The following OSBPL6 variants were observed in gnomAD, a reference collection of about 807,000 sequenced individuals.
OSBPL6 encodes oxysterol-binding protein-related protein 6.
In OSBPL6, 49 loss-of-function variants were observed where a neutral mutation model predicts 125.8. The ratio of observed to expected loss-of-function variants is 0.39; its 90% CI spans 0.31 to 0.49. The LOEUF (loss-of-function observed/expected upper bound fraction) is 0.49, where lower values mean the gene tolerates loss of function less well. Among genes scored for constraint, OSBPL6 ranks in the 20% least tolerant of loss-of-function variants. The pLI, the probability that OSBPL6 is intolerant of heterozygous loss-of-function variation, is 0.88. For missense variants in OSBPL6, 986 were observed against 1,135.4 expected (o/e 0.87, Z 1.89); for synonymous variants, 394 against 391.8 (o/e 1.01, Z -0.07).
intron 15 of OSBPL6, among the ~76,000 whole-genome samples, chr2:178,381,976 G>A (rs1694520559): frequency 6.6e-6 from 1 of 152,086 alleles, no homozygotes; most frequent in Non-Finnish European, 1.5e-5. Flanking sequence ...TAATAACTGG[G>A]CAACTCCTAT....
At chr2:178,321,524 G>A (rs907789308) in intron 3 of OSBPL6, among the ~76,000 whole-genome samples, 3 of 152,166 alleles carry the variant, frequency 2.0e-5, no homozygotes, top group Non-Finnish European at 4.4e-5. Flanking sequence ...AAAACCATGA[G>A]TTTGGAGAAA....
chr2:178,382,315 C>A, intron 15 of OSBPL6, 105 bp from the exon 16 acceptor site: 1 of 1,385,782 alleles, frequency 7.2e-7, no homozygotes, highest in South Asian at 1.5e-5. Flanking sequence ...TCTAGGACCT[C>A]TGCTTCTCAC....
At chr2:178,268,184 C>T (rs912315057) in intron 1 of OSBPL6, among the ~76,000 whole-genome samples, 3 of 151,354 alleles carry the variant, frequency 2.0e-5, no homozygotes, top group Non-Finnish European at 2.9e-5. Flanking sequence ...CAGGTTCAAG[C>T]GTTTCTTCTG....
Position 178,339,736 on chromosome 2 carries a change from T to G in OSBPL6, c.959T>G (p.Val320Gly), listed in dbSNP as rs1202967465. The G allele has an allele frequency of 6.2e-7, 1 of 1,605,390 alleles. No homozygotes were observed. Among genetic ancestry groups the G allele is most frequent in the East Asian group, 2.3e-5 (1 of 44,242 alleles). ...RVTRRWRTKS[V>G]SKDTKIQLQV... ...ACAAGACGATGGAGAACAAAAAGTGTCAGCAAAGATACAAAAATACAACTG... is the reference window on the plus strand; with the variant it reads ...ACAAGACGATGGAGAACAAAAAGTGGCAGCAAAGATACAAAAATACAACTG... Residue 320 changes from valine (V) to glycine (G), a missense_variant, in exon 11 of 25, where the codon GTC becomes GGC. By Grantham distance (109) the Val-to-Gly change is moderately radical (BLOSUM62 -3). Around this residue, in one of 3 missense-constraint regions of OSBPL6, gnomAD observed 843 missense variants for 997.3 expected, o/e 0.85. Transcript: ENST00000190611.
intron 4 of OSBPL6, among the ~76,000 whole-genome samples, chr2:178,327,402 G>T (rs1688788884): frequency 6.6e-6 from 1 of 151,978 alleles, no homozygotes; most frequent in Non-Finnish European, 1.5e-5. Flanking sequence ...CCATGGATGG[G>T]GCTACTGAAA....
At chr2:178,195,156 A>G (rs1295784599) in intron 1 of OSBPL6, among the ~76,000 whole-genome samples, 2 of 152,202 alleles carry the variant, frequency 1.3e-5, no homozygotes, top group African/African-American at 4.8e-5. Flanking sequence ...CGCACCTTTC[A>G]GGGAATCGGG....
chr2:178,354,522 C>A (rs889375323), intron 12 of OSBPL6, among the ~76,000 whole-genome samples: 2 of 152,132 alleles, frequency 1.3e-5, no homozygotes, highest in South Asian at 4.1e-4. Flanking sequence ...GTGATCAATT[C>A]AACAAAAAGA....
intron 14 of OSBPL6, among the ~76,000 whole-genome samples, chr2:178,373,136 T>C (rs1399695209): frequency 6.6e-6 from 1 of 152,210 alleles, no homozygotes; most frequent in Non-Finnish European, 1.5e-5. Context: ...AACTTGTCTT[T>C]GACTTAAGTT....
At chr2:178,334,756 A>G (rs1387396291) in intron 8 of OSBPL6, among the ~76,000 whole-genome samples, 2 of 152,160 alleles carry the variant, frequency 1.3e-5, no homozygotes, top group African/African-American at 4.8e-5. Flanking sequence ...TCCTGACCTC[A>G]AGTGATCTGC....
At chr2:178,224,266 A>C (rs2090460771) in intron 1 of OSBPL6, among the ~76,000 whole-genome samples, 1 of 152,232 alleles carries the variant, frequency 6.6e-6, no homozygotes, top group South Asian at 2.1e-4. Flanking sequence ...ATAGTGAATA[A>C]GAGCAAATGA....
chr2:178,266,020 G>A (rs2092221608), intron 1 of OSBPL6, among the ~76,000 whole-genome samples: 1 of 152,170 alleles, frequency 6.6e-6, no homozygotes, highest in Non-Finnish European at 1.5e-5. Flanking sequence ...TACTTCCCCA[G>A]GGAACTGACG....
chr2:178,300,393 T>C (rs1024908164), intron 2 of OSBPL6, among the ~76,000 whole-genome samples: 1 of 152,210 alleles, frequency 6.6e-6, no homozygotes. Flanking sequence ...GCTTAACTTA[T>C]TGCTGTCAGA....
At position 178,395,621 on chromosome 2, in the gene OSBPL6, T is replaced by A; in HGVS notation, c.*62T>A. ...GAATGAATAAATAACTATGCACAAT[T>A]ATGTTTCTTATAGCTATGTGTGGTT... On this transcript the variant is annotated 3_prime_UTR_variant, in exon 25 of 25. Coordinates refer to ENST00000190611, the MANE Select transcript of OSBPL6 (RefSeq NM_032523.4). The A allele has an allele frequency of 8.0e-7, 1 of 1,251,374 alleles. No homozygotes were observed. The highest frequency in any genetic ancestry group is 1.2e-6 in the Non-Finnish European group (1 of 864,684). 77.5% of individuals were successfully genotyped at this position (1,251,374 alleles called of 1,614,324 possible).
Position 178,385,483 on chromosome 2 carries a change from C to T in OSBPL6, c.2039C>T (p.Ala680Val). Residue 680 changes from alanine to valine, a missense_variant, in exon 19 of 25, where the codon GCC (alanine) becomes GTC (valine). Coordinates refer to ENST00000190611, the MANE Select transcript of OSBPL6 (RefSeq NM_032523.4). ...GTTAGCCATCATCCACCCATTTCTGCCTGTCACTGTGAATCAAAGAATTTT... is the reference window on the plus strand; with the variant it reads ...GTTAGCCATCATCCACCCATTTCTGTCTGTCACTGTGAATCAAAGAATTTT... Reference protein sequence around the residue: ...EQVSHHPPISACHCESKNFVF... With the variant: ...EQVSHHPPISVCHCESKNFVF... 3 of 1,611,598 alleles carry T rather than the reference C, an allele frequency of 1.9e-6. No homozygotes were observed. Among genetic ancestry groups the T allele is most frequent in the Non-Finnish European group, 2.5e-6 (3 of 1,178,302 alleles).
rs1282221230 is a variant in OSBPL6 at position 178,395,674 on chromosome 2, G to T, written c.*115G>T. ...TGGGTCAACTGAAAACCTACCATTTGCTTTTCTATTCATCTTTATAATGGA... is the reference window on the plus strand; with the variant it reads ...TGGGTCAACTGAAAACCTACCATTTTCTTTTCTATTCATCTTTATAATGGA... On this transcript the variant is annotated 3_prime_UTR_variant, in exon 25 of 25. Transcript: ENST00000190611. 4 of 680,090 alleles carry T rather than the reference G, an allele frequency of 5.9e-6. No homozygotes were observed. The highest frequency in any genetic ancestry group is 9.6e-6 in the Non-Finnish European group (4 of 416,558). 42.1% of individuals were successfully genotyped at this position (680,090 alleles called of 1,614,324 possible). A position where few individuals can be genotyped will look rare whatever the true frequency, so the allele number is the denominator to read the frequency against.
At chr2:178,261,189 T>G (rs1236259390) in intron 1 of OSBPL6, among the ~76,000 whole-genome samples, 1 of 152,036 alleles carries the variant, frequency 6.6e-6, no homozygotes, top group African/African-American at 2.4e-5. Flanking sequence ...AAACCCCTGA[T>G]GCTTATCTAT....
intron 1 of OSBPL6, among the ~76,000 whole-genome samples, chr2:178,232,416 A>C (rs1230514810): frequency 6.6e-6 from 1 of 152,190 alleles, no homozygotes; most frequent in Non-Finnish European, 1.5e-5. Flanking sequence ...TCTGGACTCA[A>C]AAGTGCTTGT....
At chr2:178,299,001 T>C (rs922139564) in intron 2 of OSBPL6, among the ~76,000 whole-genome samples, 11 of 152,234 alleles carry the variant, frequency 7.2e-5, no homozygotes, top group Non-Finnish European at 1.5e-4. Flanking sequence ...TATTTTGTTA[T>C]GTCTTATTGT....
chr2:178,377,517 C>T (rs1462663807), intron 15 of OSBPL6, among the ~76,000 whole-genome samples: 1 of 152,200 alleles, frequency 6.6e-6, no homozygotes, highest in Admixed American at 6.5e-5. Context: ...GAGGTCTCCC[C>T]AGAAGGCTCC....
Sources: gnomAD v4.1 joint callset for allele counts (sites outside exome capture counted in the v4.1 genomes callset) on GRCh38, gnomAD v4.1.1 for gene constraint, gnomAD v4.1.1 regional missense constraint, MANE v1.5 for transcripts, NCBI Gene and HGNC (gene_info 2026-07-23, HGNC 2026-07-21) for gene names.